CGNL1: variants seen among roughly 807,000 people sequenced by gnomAD.
CGNL1 encodes the protein cingulin-like protein 1.
A neutral mutation model predicts 141.2 loss-of-function variants in CGNL1; 132 were observed. That is an observed-to-expected ratio of 0.93 (90% CI 0.81 to 1.08). The LOEUF (loss-of-function observed/expected upper bound fraction) is 1.08, where lower values mean the gene tolerates loss of function less well. Ranked by LOEUF, CGNL1 falls within the 50% of genes least tolerant of loss-of-function variation. The pLI, the probability that CGNL1 is intolerant of heterozygous loss-of-function variation, is 0.00. For missense variants in CGNL1, 1,870 were observed against 1,588.6 expected (o/e 1.18, Z -3.01); for synonymous variants, 690 against 622.1 (o/e 1.11, Z -1.63).
Position 57,543,683 on chromosome 15 carries a change from C to A in CGNL1, c.3292-13C>A. 6.2e-7 allele frequency: 1 copy of A among 1,610,124 alleles called. No homozygotes were observed. The highest frequency in any genetic ancestry group is 1.3e-5 in the African/African-American group (1 of 74,914). On this transcript the variant is annotated splice_polypyrimidine_tract_variant and intron_variant, in intron 14 of 18. Coordinates refer to ENST00000281282, the MANE Select transcript of CGNL1 (RefSeq NM_032866.5). ...TCCTTCTAACCTCTGGGCTTTTGTT[C>A]TGCTTGCTGTAGATGGAGCAGTTGA...
intron 1 of CGNL1, among the ~76,000 whole-genome samples, chr15:57,397,983 A>C (rs1467178705): frequency 6.6e-6 from 1 of 151,978 alleles, no homozygotes; most frequent in Non-Finnish European, 1.5e-5. Flanking sequence ...GGGTTTCTTC[A>C]TGTTGGTCAG....
Position 57,461,797 on chromosome 15 carries a change from G to A in CGNL1, c.2308G>A (p.Glu770Lys), listed in dbSNP as rs759687697. Reference protein sequence around the residue: ...LTALKGALKEEVSSHDQEMDK... With the variant: ...LTALKGALKEKVSSHDQEMDK... ...CGCCCTGAAGGGAGCCCTGAAAGAA[G>A]AGGTTTCCAGCCATGATCAGGAGAT... Residue 770 changes from glutamate (E) to lysine (K), a missense_variant, in exon 8 of 19, where the codon GAG becomes AAG. Glu to Lys is a moderately conservative substitution (Grantham distance 56). Coordinates refer to ENST00000281282, the MANE Select transcript of CGNL1 (RefSeq NM_032866.5). The A allele has an allele frequency of 6.2e-6, 10 of 1,614,016 alleles. No individual in the cohort carries two copies. The highest frequency in any genetic ancestry group is 1.7e-6 in the Non-Finnish European group (2 of 1,180,038).
intron 10 of CGNL1, among the ~76,000 whole-genome samples, chr15:57,519,291 G>C (rs1210351674): frequency 6.6e-6 from 1 of 152,156 alleles, no homozygotes; most frequent in East Asian, 1.9e-4. Context: ...CTAAGAGGAA[G>C]GTTGTTAAAG....
chr15:57,454,881 C>A (rs1362368604), intron 7 of CGNL1, among the ~76,000 whole-genome samples: 5 of 151,394 alleles, frequency 3.3e-5, no homozygotes, highest in Non-Finnish European at 5.9e-5. Flanking sequence ...AATATTAAAA[C>A]AACATAAAAC....
rs142314630 is a variant in CGNL1, at chr15:57,543,394, C to T, written c.3292-302C>T. Among the ~76,000 whole-genome samples the T allele has an allele frequency of 3.1e-3, 474 of 152,258 alleles. 2 individuals carry two copies. Among genetic ancestry groups the T allele is most frequent in the African/African-American group, 0.011 (446 of 41,550 alleles). On this transcript the variant is annotated intron_variant, in intron 14 of 18. Transcript: ENST00000281282. ...AAGTCCCCATCTCCAAATAAGGTCA[C>T]GGCAGAGGTACTGGGGATTAGGGCG...
chr15:57,523,000 G>T (rs1251081246), intron 10 of CGNL1, among the ~76,000 whole-genome samples: 1 of 152,186 alleles, frequency 6.6e-6, no homozygotes, highest in Non-Finnish European at 1.5e-5. Flanking sequence ...CCTTTGTTCT[G>T]TGGGGTAGTG....
chr15:57,456,072 T>G (rs571289258), intron 7 of CGNL1, among the ~76,000 whole-genome samples: 1 of 152,328 alleles, frequency 6.6e-6, no homozygotes, highest in African/African-American at 2.4e-5. Flanking sequence ...TTCCTTTGAC[T>G]TGTCAGCAAC....
rs185824326 is a variant in CGNL1, at chr15:57,430,635, A to G, written c.-15-7350A>G. On this transcript the variant is annotated intron_variant, in intron 1 of 18. Transcript: ENST00000281282. ...CGAGGCGGGTAGACTTCCAGGGGGA[A>G]GTGGGGGCTTCTTGGGGGAGAGCCA... Among the ~76,000 whole-genome samples, 20 of 152,242 alleles carry G rather than the reference A, an allele frequency of 1.3e-4. No homozygotes were observed. In the East Asian group the frequency reaches 2.1e-3, roughly 16 times the overall value.
At chr15:57,481,403 C>G (rs1595750047) in intron 8 of CGNL1, among the ~76,000 whole-genome samples, 1 of 152,266 alleles carries the variant, frequency 6.6e-6, no homozygotes, top group East Asian at 1.9e-4. Flanking sequence ...TAAATTTTAT[C>G]ATTTCCAGGA....
chr15:57,456,094 G>A (rs2063375902), intron 7 of CGNL1, among the ~76,000 whole-genome samples: 1 of 152,170 alleles, frequency 6.6e-6, no homozygotes, highest in Non-Finnish European at 1.5e-5. Flanking sequence ...CTTAAACTAT[G>A]ATCTACGGTT....
chr15:57,464,893 G>A (rs1350277299), intron 8 of CGNL1, among the ~76,000 whole-genome samples: 5 of 151,982 alleles, frequency 3.3e-5, no homozygotes, highest in Admixed American at 3.3e-4. Context: ...GGGATTACAG[G>A]CATGTGCCAC....
intron 4 of CGNL1, among the ~76,000 whole-genome samples, chr15:57,443,641 G>T (rs950649196): frequency 7.2e-5 from 11 of 152,098 alleles, no homozygotes; most frequent in Non-Finnish European, 1.6e-4. Context: ...ACACACATAC[G>T]CAATTCCCAC....
intron 18 of CGNL1, among the ~76,000 whole-genome samples, chr15:57,547,093 A>G (rs1227078568): frequency 6.6e-6 from 1 of 152,256 alleles, no homozygotes; most frequent in Non-Finnish European, 1.5e-5. Context: ...GATCAATAAT[A>G]ACAGCCTGGG....
At chr15:57,537,521 A>G (rs1319496930) in intron 14 of CGNL1, among the ~76,000 whole-genome samples, 5 of 152,016 alleles carry the variant, frequency 3.3e-5, no homozygotes, top group Non-Finnish European at 7.4e-5. Flanking sequence ...CAGTGTGTAC[A>G]GTTGATTAAT....
At chr15:57,404,195 T>C (rs2062690367) in intron 1 of CGNL1, among the ~76,000 whole-genome samples, 1 of 152,188 alleles carries the variant, frequency 6.6e-6, no homozygotes, top group South Asian at 2.1e-4. Context: ...GAAAGTAGCT[T>C]ATTTCTCTCA....
At chr15:57,456,629 T>A (rs1567130196) in intron 7 of CGNL1, among the ~76,000 whole-genome samples, 1 of 147,440 alleles carries the variant, frequency 6.8e-6, no homozygotes. Flanking sequence ...GATTCTGAAA[T>A]TTTTTTTTTT....
chr15:57,515,402 T>C (rs1567163831), intron 8 of CGNL1, among the ~76,000 whole-genome samples: 3 of 152,238 alleles, frequency 2.0e-5, no homozygotes, highest in Non-Finnish European at 4.4e-5. Flanking sequence ...GAAGTAAAGA[T>C]CTTTCCAACA....
intron 10 of CGNL1, among the ~76,000 whole-genome samples, chr15:57,521,527 C>G (rs1296959219): frequency 6.6e-6 from 1 of 152,164 alleles, no homozygotes; most frequent in Non-Finnish European, 1.5e-5. Flanking sequence ...GACAGAAAGT[C>G]TCTCCCTTGC....
At chr15:57,494,198 A>G (rs537450388) in intron 8 of CGNL1, among the ~76,000 whole-genome samples, 1 of 152,398 alleles carries the variant, frequency 6.6e-6, no homozygotes, top group South Asian at 2.1e-4. Flanking sequence ...TATAGGTTCA[A>G]CTAGTGACTT....
Sources: allele counts gnomAD v4.1 joint callset (sites outside exome capture counted in the v4.1 genomes callset), GRCh38; gene constraint gnomAD v4.1.1; transcripts MANE v1.5; gene names NCBI Gene and HGNC (gene_info 2026-07-23, HGNC 2026-07-21).